AKR1C3: variants seen among roughly 807,000 people sequenced by gnomAD.
The protein encoded by AKR1C3 is 3-alpha hydroxysteroid dehydrogenase, type II.
In AKR1C3, 48 loss-of-function variants were observed where a neutral mutation model predicts 43.6. That is an observed-to-expected ratio of 1.10 (90% CI 0.87 to 1.40). The LOEUF (loss-of-function observed/expected upper bound fraction) is 1.40. Among genes scored for constraint, AKR1C3 ranks in the 40% most tolerant of loss-of-function variants. The probability of loss-of-function intolerance (pLI) is 0.00; values close to 1 mark genes in which losing one functional copy is unlikely to be tolerated. For synonymous variants in AKR1C3, 162 were observed against 139.6 expected, an observed-to-expected ratio of 1.16 and a Z score of -1.13; for missense variants, 482 against 391.2, an observed-to-expected ratio of 1.23 and a Z score of -1.96.
At chr10:5,056,154 G>A (rs58594028) in intron 1 of AKR1C3, among the ~76,000 whole-genome samples, 7,133 of 152,210 alleles carry the variant, frequency 0.047, 200 homozygotes, top group East Asian at 0.16. Context: ...CAGAGTGCCT[G>A]GACTTGAGAA....
intron 1 of AKR1C3, among the ~76,000 whole-genome samples, chr10:5,049,510 C>A (rs7076578): frequency 0.96 from 145,940 of 152,332 alleles, 69,956 homozygotes; most frequent in East Asian, 0.99. Context: ...TAACAAGTTA[C>A]GTTTAAATTA....
intron 7 of AKR1C3, among the ~76,000 whole-genome samples, chr10:5,102,913 A>G (rs1406709352): frequency 1.3e-5 from 2 of 151,492 alleles, no homozygotes; most frequent in Admixed American, 6.6e-5. Context: ...TGCACCAGGA[A>G]CATCATTTTT....
At chr10:5,104,961 CTG>C (rs1374938335) in intron 7 of AKR1C3, among the ~76,000 whole-genome samples, 1 of 152,108 alleles carries the variant, frequency 6.6e-6, no homozygotes, top group Non-Finnish European at 1.5e-5. Flanking sequence ...CTCTCATTCT[CTG>C]TATCACTATT....
intron 8 of AKR1C3, among the ~76,000 whole-genome samples, chr10:5,106,917 TAAA>T (rs1179100650): frequency 1.7e-5 from 2 of 114,710 alleles, no homozygotes; most frequent in Non-Finnish European, 3.7e-5. Flanking sequence ...GGAAAATAAA[TAAA>T]AAAAGGAAAC....
intron 1 of AKR1C3, among the ~76,000 whole-genome samples, chr10:5,079,482 T>G (rs1382425309): frequency 6.6e-6 from 1 of 152,144 alleles, no homozygotes. Flanking sequence ...AGCATTTCTC[T>G]GAGGCACACC....
chr10:5,064,132 A>C (rs1372522030), intron 1 of AKR1C3, among the ~76,000 whole-genome samples: 5 of 152,202 alleles, frequency 3.3e-5, no homozygotes, highest in Non-Finnish European at 7.3e-5. Context: ...TCCAATTTTA[A>C]CTATAGTTCT....
rs1554785274 is a variant in AKR1C3 at position 5,097,304 on chromosome 10, A to G, written c.253-130A>G. On this transcript the variant is annotated intron_variant, in intron 2 of 8. Transcript: ENST00000380554. ...CAGAGCCAAAGGAATCATGAGAAGG[A>G]AGAGAATATGTTTGCCAGTGGTCAT... 2.7e-6 allele frequency: 3 copies of G among 1,094,816 alleles called. No homozygotes were observed. The South Asian group carries it at 4.7e-5, about 17-fold the overall frequency. 67.8% of individuals were successfully genotyped at this position (1,094,816 alleles called of 1,614,324 possible).
At chr10:5,096,884 C>T (rs1554785221) in intron 2 of AKR1C3, among the ~76,000 whole-genome samples, 1 of 151,990 alleles carries the variant, frequency 6.6e-6, no homozygotes, top group Non-Finnish European at 1.5e-5. Flanking sequence ...TTCTTATCGC[C>T]TGGGTGATTT....
chr10:5,097,578 G>A (rs1554785352), intron 3 of AKR1C3, 28 bp downstream of exon 3: 1 of 1,612,556 alleles, frequency 6.2e-7, no homozygotes, highest in Admixed American at 1.7e-5. Flanking sequence ...GCATAAAATT[G>A]CGCTTCTGCT....
intron 1 of AKR1C3, among the ~76,000 whole-genome samples, chr10:5,067,065 T>G (rs192867755): frequency 1.4e-4 from 21 of 152,368 alleles, no homozygotes; most frequent in African/African-American, 4.3e-4. Flanking sequence ...TGTTTTTGAA[T>G]GATTATTAGG....
At chr10:5,105,812 G>A (rs1554787118) in intron 8 of AKR1C3, 135 bp downstream of exon 8, 4 of 690,198 alleles carry the variant, frequency 5.8e-6, no homozygotes. Context: ...TCTCCTGCTG[G>A]ATTCACTCCA....
At chr10:5,069,175 C>A (rs974091841) in intron 1 of AKR1C3, among the ~76,000 whole-genome samples, 1 of 152,048 alleles carries the variant, frequency 6.6e-6, no homozygotes, top group Non-Finnish European at 1.5e-5. Context: ...TTGCACAGAG[C>A]GAAAGAGACC....
chr10:5,075,027 C>G (rs145095257), intron 1 of AKR1C3, among the ~76,000 whole-genome samples: 1 of 152,240 alleles, frequency 6.6e-6, no homozygotes, highest in East Asian at 1.9e-4. Flanking sequence ...AGACCTGTCT[C>G]CTGGGTGCAT....
At chr10:5,105,746 G>A (rs1839485741) in intron 8 of AKR1C3, 69 bp downstream of exon 8, 1 of 1,243,842 alleles carries the variant, frequency 8.0e-7, no homozygotes, top group Non-Finnish European at 1.2e-6. Flanking sequence ...GGTGTTGAGA[G>A]TGACCTCCAT....
chr10:5,076,261 A>G (rs984901790), intron 1 of AKR1C3, among the ~76,000 whole-genome samples: 1 of 152,166 alleles, frequency 6.6e-6, no homozygotes, highest in Non-Finnish European at 1.5e-5. Context: ...TTAATCCTCA[A>G]TGCAATAGTG....
rs1304708913 is a variant in AKR1C3 at position 5,086,128 on chromosome 10, T to A, written c.85-10282T>A. 7.2e-5 allele frequency among the ~76,000 whole-genome samples: 11 copies of A among 151,976 alleles called. No individual in the cohort carries two copies. In the East Asian group the frequency reaches 2.1e-3, roughly 29 times the overall value. On this transcript the variant is annotated intron_variant, in intron 1 of 8. Coordinates refer to the AKR1C3 transcript ENST00000439082. ...CTTGCCTTCTGCTAGCTTTTGAATA[T>A]GTTTGCTCTTGCTTTTCTAGCTCTT...
chr10:5,071,052 A>G (rs1304641267), intron 1 of AKR1C3, among the ~76,000 whole-genome samples: 1 of 152,156 alleles, frequency 6.6e-6, no homozygotes, highest in Non-Finnish European at 1.5e-5. Flanking sequence ...CTCTGGAAAC[A>G]TTTCTTTTTG....
intron 1 of AKR1C3, among the ~76,000 whole-genome samples, chr10:5,053,425 G>A (rs111368873): frequency 0.04 from 6,037 of 152,294 alleles, 415 homozygotes; most frequent in African/African-American, 0.14. Context: ...ATGCCCACCC[G>A]GAACTCGTGC....
chr10:5,086,292 T>C (rs1270540711), intron 1 of AKR1C3, among the ~76,000 whole-genome samples: 2 of 151,654 alleles, frequency 1.3e-5, no homozygotes, highest in African/African-American at 4.9e-5. Context: ...TTCTCATTGG[T>C]TTCAAAGAAC....
Sources: allele counts gnomAD v4.1 joint callset (sites outside exome capture counted in the v4.1 genomes callset), GRCh38; gene constraint gnomAD v4.1.1; transcripts MANE v1.5; gene names NCBI Gene and HGNC (gene_info 2026-07-23, HGNC 2026-07-21).